CADPS2: variants seen among roughly 807,000 people sequenced by gnomAD.
CADPS2 encodes the protein calcium-dependent secretion activator 2.
Under a neutral mutation model 172.5 loss-of-function variants are expected in CADPS2, and 93 were observed. The ratio of observed to expected loss-of-function variants is 0.54; its 90% CI spans 0.46 to 0.64. The LOEUF is 0.64. Among genes scored for constraint, CADPS2 ranks in the 30% least tolerant of loss-of-function variants. CADPS2 has a pLI of 0.00. For synonymous variants in CADPS2, 546 were observed against 555.2 expected, an observed-to-expected ratio of 0.98 and a Z score of 0.23; for missense variants, 1,420 against 1,565.9, an observed-to-expected ratio of 0.91 and a Z score of 1.57.
intron 1 of CADPS2, among the ~76,000 whole-genome samples, chr7:122,756,101 T>C (rs1234026508): frequency 2.0e-5 from 3 of 152,220 alleles, no homozygotes; most frequent in African/African-American, 7.2e-5. Context: ...TGAAGTTTTT[T>C]AGAACACTGA....
chr7:122,474,467 G>A lies in CADPS2; in HGVS notation c.1912C>T (p.Pro638Ser). ...AGGAAGGCATGATCAAGCTTGCAGG[G>A]GTTTGCAGAAATAAACTCATCCATA... ...HGMDEFISANPCKLDHAFLFR... is the reference protein window; with the variant it reads ...HGMDEFISANSCKLDHAFLFR... The change falls in exon 13 of 30, where the codon CCC (proline) becomes TCC (serine). Residue 638 changes from proline to serine, a missense_variant. Transcript: ENST00000449022. 6.2e-7 allele frequency: 1 copy of A among 1,613,220 alleles called. No individual in the cohort carries two copies. The highest frequency in any genetic ancestry group is 1.1e-5 in the South Asian group (1 of 91,056).
intron 6 of CADPS2, among the ~76,000 whole-genome samples, chr7:122,590,210 C>T (rs1054452862): frequency 4.0e-5 from 6 of 151,690 alleles, no homozygotes; most frequent in Non-Finnish European, 5.9e-5. Flanking sequence ...TCACATGTCC[C>T]GATTTCAAAA....
chr7:122,555,019 C>T (rs565431405), intron 7 of CADPS2, among the ~76,000 whole-genome samples: 2 of 152,092 alleles, frequency 1.3e-5, no homozygotes, highest in Non-Finnish European at 2.9e-5. Context: ...ATTCTAAACT[C>T]CTCAGGGCAA....
At chr7:122,877,892 C>G (rs1015962644) in intron 1 of CADPS2, among the ~76,000 whole-genome samples, 3 of 152,106 alleles carry the variant, frequency 2.0e-5, no homozygotes, top group South Asian at 4.1e-4. Flanking sequence ...AGTTAGGTCC[C>G]AGAAAGACGA....
chr7:122,595,135 A>G (rs1413512721), intron 6 of CADPS2, among the ~76,000 whole-genome samples: 1 of 151,618 alleles, frequency 6.6e-6, no homozygotes, highest in African/African-American at 2.4e-5. Context: ...TTGTGGGACT[A>G]AAGAGTTAGA....
At position 122,418,099 on chromosome 7, in the gene CADPS2, G is replaced by A. The variant is rs190440597; in HGVS notation, c.2477-1935C>T. Among the ~76,000 whole-genome samples the A allele has an allele frequency of 1.5e-3, 231 of 151,998 alleles. 4 individuals are homozygous for A. The highest frequency in any genetic ancestry group is 0.012 in the Admixed American group (185 of 15,246). ...GCAGGAGAATCGCTTGAACCTGGGA[G>A]GCAGAGGTTGCAGTGAGCCAATATC... is the stretch of plus-strand genomic sequence containing the variant. On this transcript the variant is annotated intron_variant, in intron 17 of 29. Coordinates refer to ENST00000449022, the MANE Select transcript of CADPS2 (RefSeq NM_017954.11).
chr7:122,486,651 G>A (rs1028353733), intron 11 of CADPS2, among the ~76,000 whole-genome samples: 3 of 152,148 alleles, frequency 2.0e-5, no homozygotes, highest in South Asian at 2.1e-4. Context: ...AACTTAGTTC[G>A]TAAAGCAGAG....
In CADPS2 at chr7:122,702,368, A is replaced by G; in HGVS notation, c.453+34587T>C. 1 of 1,613,768 alleles carries G rather than the reference A, an allele frequency of 6.2e-7. No homozygotes were observed. Among genetic ancestry groups the G allele is most frequent in the Non-Finnish European group, 8.5e-7 (1 of 1,179,790 alleles). On this transcript the variant is annotated intron_variant, in intron 2 of 29. Transcript: ENST00000449022. ...GCCCGTACCTTGATAGTTGTAGATGATCACCCCATTTGCTCCCTTCTCTGC... is the reference window on the plus strand; with the variant it reads ...GCCCGTACCTTGATAGTTGTAGATGGTCACCCCATTTGCTCCCTTCTCTGC...
At chr7:122,541,785 ATATTTATATATT>A in intron 8 of CADPS2, among the ~76,000 whole-genome samples, 1 of 104,560 alleles carries the variant, frequency 9.6e-6, no homozygotes, top group South Asian at 3.3e-4. Flanking sequence ...ATATATTCAT[ATATTTATATATT>A]CATATATATT....
intron 8 of CADPS2, among the ~76,000 whole-genome samples, chr7:122,526,780 A>T (rs1044546330): frequency 4.6e-5 from 7 of 152,176 alleles, no homozygotes; most frequent in African/African-American, 1.7e-4. Context: ...ACTAGGTGAC[A>T]TGTAGACATT....
rs1284747966 is a variant in CADPS2, at chr7:122,663,228, A to C, written c.786+9T>G. Reference sequence around the variant, plus strand: ...GACAGGGGAAGGGAAAATATCAGAGACCACTTACCTGACATGCATTATAAA... The same window carrying C: ...GACAGGGGAAGGGAAAATATCAGAGCCCACTTACCTGACATGCATTATAAA... On this transcript the variant is annotated intron_variant, in intron 3 of 29. Coordinates refer to ENST00000449022, the MANE Select transcript of CADPS2 (RefSeq NM_017954.11). 6.3e-7 allele frequency: 1 copy of C among 1,585,006 alleles called. No homozygotes were observed. The highest frequency in any genetic ancestry group is 8.6e-7 in the Non-Finnish European group (1 of 1,157,386).
chr7:122,653,731 A>T (rs553635863), intron 3 of CADPS2, among the ~76,000 whole-genome samples: 1 of 152,092 alleles, frequency 6.6e-6, no homozygotes, highest in South Asian at 2.1e-4. Context: ...AAACTCTTTC[A>T]TTGTTATTAT....
chr7:122,477,171 G>C (rs2056794193), intron 12 of CADPS2, among the ~76,000 whole-genome samples: 1 of 151,646 alleles, frequency 6.6e-6, no homozygotes, highest in African/African-American at 2.4e-5. Context: ...TGGCCCTCTG[G>C]CCCTTGTTTT....
chr7:122,427,976 T>C (rs1369823824), intron 17 of CADPS2, among the ~76,000 whole-genome samples: 1 of 152,174 alleles, frequency 6.6e-6, no homozygotes, highest in Non-Finnish European at 1.5e-5. Context: ...TAGAGGTCTA[T>C]AAAGTTTCGC....
intron 1 of CADPS2, among the ~76,000 whole-genome samples, chr7:122,833,886 T>C (rs763189875): frequency 2.9e-4 from 44 of 152,226 alleles, no homozygotes; most frequent in Admixed American, 7.8e-4. Context: ...ACAATAAAAG[T>C]CTTTGATTAA....
chr7:122,739,620 G>C (rs946778369), intron 1 of CADPS2, among the ~76,000 whole-genome samples: 2 of 152,094 alleles, frequency 1.3e-5, no homozygotes, highest in Non-Finnish European at 2.9e-5. Context: ...ATGAATAGAG[G>C]ATACTGCAGT....
At chr7:122,428,467 A>T (rs200637139) in intron 17 of CADPS2, among the ~76,000 whole-genome samples, 1 of 128,354 alleles carries the variant, frequency 7.8e-6, no homozygotes, top group Non-Finnish European at 1.6e-5. Flanking sequence ...ATATATATAT[A>T]TATATTTTTT....
intron 4 of CADPS2, 36 bp from the exon 5 acceptor site, chr7:122,621,753 A>C: frequency 1.7e-6 from 2 of 1,180,556 alleles, no homozygotes; most frequent in Non-Finnish European, 2.4e-6. Context: ...GTGTTACATA[A>C]GTCATATTTC....
chr7:122,659,631 C>G (rs1043999973), intron 3 of CADPS2, among the ~76,000 whole-genome samples: 1 of 151,898 alleles, frequency 6.6e-6, no homozygotes, highest in African/African-American at 2.4e-5. Flanking sequence ...GACACTGACC[C>G]ACAGATACAG....
Sources: allele counts gnomAD v4.1 joint callset (sites outside exome capture counted in the v4.1 genomes callset), GRCh38; gene constraint gnomAD v4.1.1; transcripts MANE v1.5; gene names NCBI Gene and HGNC (gene_info 2026-07-23, HGNC 2026-07-21).